Variants in PTPRA observed in about 807,000 individuals in gnomAD.
The protein encoded by PTPRA is protein tyrosine phosphatase receptor type A.
Under a neutral mutation model 104.8 loss-of-function variants are expected in PTPRA, and 25 were observed. The observed-to-expected ratio is 0.24, with a 90% CI of 0.17 to 0.33. The LOEUF is 0.33. Ranked by LOEUF, PTPRA falls within the 10% of genes least tolerant of loss-of-function variation. The pLI is 1.00. For synonymous variants in PTPRA, 323 were observed against 368.9 expected (o/e 0.88, Z 1.43); for missense variants, 765 against 1,015.3 (o/e 0.75, Z 3.35).
intron 3 of PTPRA, among the ~76,000 whole-genome samples, chr20:2,957,920 T>G (rs934253455): frequency 2.6e-5 from 4 of 151,964 alleles, no homozygotes; most frequent in African/African-American, 9.7e-5. Flanking sequence ...TAGTGATTTG[T>G]AGTGATACAA....
intron 1 of PTPRA, among the ~76,000 whole-genome samples, chr20:2,880,958 T>G (rs1346667213): frequency 6.6e-6 from 1 of 151,478 alleles, no homozygotes; most frequent in East Asian, 1.9e-4. Flanking sequence ...CATTGAGCCA[T>G]GATTGCACCA....
intron 22 of PTPRA, among the ~76,000 whole-genome samples, chr20:3,036,744 A>G (rs1456509875): frequency 6.6e-6 from 1 of 152,252 alleles, no homozygotes; most frequent in Non-Finnish European, 1.5e-5. Context: ...TTGGGAAGAA[A>G]GTGAAAGACA....
At position 3,030,482 on chromosome 20, in the gene PTPRA, T is replaced by C. The variant is rs148834245; in HGVS notation, c.1920+2641T>C. Among the ~76,000 whole-genome samples the C allele has an allele frequency of 3.3e-3, 504 of 152,236 alleles. 5 individuals carry two copies. Among genetic ancestry groups the C allele is most frequent in the African/African-American group, 0.012 (482 of 41,514 alleles). The stretch of plus-strand genomic sequence containing the variant: ...TTTCTGTTCCATTCATGTTGTCAAG[T>C]GTAGCTCCCAGAAGTAATTAACGCA... On this transcript the variant is annotated intron_variant, in intron 20 of 23. Coordinates refer to ENST00000399903, the MANE Select transcript of PTPRA (RefSeq NM_001385305.1).
chr20:2,932,114 T>G (rs2060528783), intron 2 of PTPRA, among the ~76,000 whole-genome samples: 1 of 152,240 alleles, frequency 6.6e-6, no homozygotes, highest in African/African-American at 2.4e-5. Context: ...GTAGTCATTG[T>G]GTCAAAGAGA....
At chr20:2,978,969 A>G (rs751270697) in intron 6 of PTPRA, among the ~76,000 whole-genome samples, 17 of 152,192 alleles carry the variant, frequency 1.1e-4, no homozygotes, top group Admixed American at 2.6e-4. Flanking sequence ...GCCAAAGCCA[A>G]TCTCTTCCCT....
At chr20:2,889,237 A>G (rs1270526187) in intron 1 of PTPRA, among the ~76,000 whole-genome samples, 1 of 152,232 alleles carries the variant, frequency 6.6e-6, no homozygotes, top group Non-Finnish European at 1.5e-5. Flanking sequence ...CATTTTGTAT[A>G]GAAATAAGAA....
intron 1 of PTPRA, among the ~76,000 whole-genome samples, chr20:2,911,582 A>G (rs1199764126): frequency 6.6e-6 from 1 of 152,204 alleles, no homozygotes; most frequent in Admixed American, 6.5e-5. Flanking sequence ...TGGAAAAGGA[A>G]TAATGTGTTT....
intron 9 of PTPRA, among the ~76,000 whole-genome samples, chr20:2,995,371 G>A (rs951815845): frequency 6.6e-6 from 1 of 152,052 alleles, no homozygotes; most frequent in Non-Finnish European, 1.5e-5. Context: ...TCCCACCTTG[G>A]TCTCCCAGAG....
chr20:3,016,976 T>TTTA (rs1167280727), intron 12 of PTPRA, among the ~76,000 whole-genome samples: 1 of 152,156 alleles, frequency 6.6e-6, no homozygotes, highest in Non-Finnish European at 1.5e-5. Flanking sequence ...GGTTAAGGTA[T>TTTA]TTATTATTAT....
intron 1 of PTPRA, among the ~76,000 whole-genome samples, chr20:2,910,037 C>CAT (rs1433238462): frequency 8.5e-6 from 1 of 118,144 alleles, no homozygotes; most frequent in Non-Finnish European, 1.6e-5. Flanking sequence ...TATATCATAT[C>CAT]ATATATAATA....
Position 2,875,634 on chromosome 20 carries a change from A to T in PTPRA, c.-129+1874A>T, listed in dbSNP as rs117257597. 2.6e-3 allele frequency among the ~76,000 whole-genome samples: 389 copies of T among 152,300 alleles called. 11 individuals are homozygous for T. The East Asian group carries it at 0.064, about 25-fold the overall frequency. ...GTGCTATAAGATTGTGATAATAATA[A>T]TAGCTATTTTTTATTTGCCTTGTGA... On this transcript the variant is annotated intron_variant, in intron 1 of 23. Transcript: ENST00000399903.
Position 2,891,913 on chromosome 20 carries a change from T to G in PTPRA, c.-129+18153T>G, listed in dbSNP as rs145494903. The stretch of plus-strand genomic sequence containing the variant: ...GCAAATACTATGTAAATAGCTGTTA[T>G]ACTGTATTTTTAAGTTTGTTTCTTA... On this transcript the variant is annotated intron_variant, in intron 1 of 23. Transcript: ENST00000399903. Among the ~76,000 whole-genome samples the G allele has an allele frequency of 7.2e-5, 11 of 152,322 alleles. No individual in the cohort carries two copies. The East Asian group carries it at 2.1e-3, about 29-fold the overall frequency.
At chr20:2,881,960 G>A (rs1007010000) in intron 1 of PTPRA, among the ~76,000 whole-genome samples, 2 of 152,048 alleles carry the variant, frequency 1.3e-5, no homozygotes, top group Admixed American at 6.6e-5. Context: ...AGGTTGCGCC[G>A]CTGTACTCCA....
chr20:2,914,076 G>A (rs1015298905), intron 1 of PTPRA, among the ~76,000 whole-genome samples: 3 of 152,158 alleles, frequency 2.0e-5, no homozygotes, highest in East Asian at 1.9e-4. Context: ...ATCTATTAGT[G>A]TACTTTGGTA....
intron 1 of PTPRA, among the ~76,000 whole-genome samples, chr20:2,911,152 ATCT>A (rs2059709613): frequency 6.6e-6 from 1 of 152,080 alleles, no homozygotes; most frequent in African/African-American, 2.4e-5. Flanking sequence ...GGGTGGATAA[ATCT>A]TCTAGATCAA....
chr20:3,003,190 C>T (rs964178352), intron 9 of PTPRA, among the ~76,000 whole-genome samples: 14 of 152,078 alleles, frequency 9.2e-5, no homozygotes, highest in African/African-American at 3.4e-4. Context: ...TTTATATTGT[C>T]CTTGAGGGCG....
At chr20:2,888,727 C>G (rs1326975720) in intron 1 of PTPRA, among the ~76,000 whole-genome samples, 1 of 152,026 alleles carries the variant, frequency 6.6e-6, no homozygotes, top group Non-Finnish European at 1.5e-5. Context: ...TTCAGCTTTC[C>G]CTTTCCATAG....
chr20:2,865,278 C>T, the PTPRA span: 6 of 1,614,136 alleles, frequency 3.7e-6, no homozygotes, highest in Non-Finnish European at 5.1e-6. This position sits in a 1 kb window ranked among gnomAD's most constrained non-coding sequence, Gnocchi z 5.2. Flanking sequence ...AACAAGCGTG[C>T]AGAGCAGCTG....
At chr20:2,987,040 T>C (rs144656183) in intron 7 of PTPRA, among the ~76,000 whole-genome samples, 191 bp downstream of exon 7, 71 of 152,216 alleles carry the variant, frequency 4.7e-4, no homozygotes, top group African/African-American at 1.6e-3. Flanking sequence ...CTTCCTTAAG[T>C]CCTAAGCCCT....
Sources: gnomAD v4.1 joint callset for allele counts (sites outside exome capture counted in the v4.1 genomes callset) on GRCh38, gnomAD v4.1.1 for gene constraint, Gnocchi (gnomAD v3.1) non-coding constraint, MANE v1.5 for transcripts, NCBI Gene and HGNC (gene_info 2026-07-23, HGNC 2026-07-21) for gene names.